Variants in CHST15 observed in about 807,000 individuals in gnomAD.
CHST15 encodes carbohydrate sulfotransferase 15.
CHST15 carries 30 observed loss-of-function variants against 53.6 expected under a neutral mutation model. The ratio of observed to expected loss-of-function variants is 0.56; its 90% CI spans 0.42 to 0.76. The LOEUF (loss-of-function observed/expected upper bound fraction) is 0.76, where lower values mean the gene tolerates loss of function less well. CHST15 is among the 30% of genes least tolerant of loss of function. The pLI is 0.00. For synonymous variants in CHST15, 296 were observed against 289.8 expected (o/e 1.02, Z -0.22); for missense variants, 627 against 740.5 (o/e 0.85, Z 1.78).
chr10:124,026,793 G>C (rs1947028790), intron 5 of CHST15, among the ~76,000 whole-genome samples: 1 of 152,186 alleles, frequency 6.6e-6, no homozygotes, highest in Non-Finnish European at 1.5e-5. Context: ...AACTCAGCAG[G>C]AAGGAGCCCA....
chr10:124,058,863 A>G (rs933057400), intron 1 of CHST15, among the ~76,000 whole-genome samples: 1 of 152,208 alleles, frequency 6.6e-6, no homozygotes, highest in African/African-American at 2.4e-5. Context: ...ACATGTGTTG[A>G]GGGCTTCCTT....
rs567061670 is a variant in CHST15 at position 124,008,361 on chromosome 10, G to A, written c.*1788C>T. The A allele has an allele frequency of 2.5e-4, 260 of 1,027,324 alleles. 1 individual carries two copies. The highest frequency in any genetic ancestry group is 1.7e-3 in the African/African-American group (94 of 55,890). 63.6% of individuals were successfully genotyped at this position (1,027,324 alleles called of 1,614,324 possible). The stretch of plus-strand genomic sequence containing the variant: ...CGTGCGCGTACACACACACACACGC[G>A]CGCACTGTACTGCAAATAAATATAC... On this transcript the variant is annotated 3_prime_UTR_variant, in exon 8 of 8. Coordinates refer to ENST00000435907, the MANE Select transcript of CHST15 (RefSeq NM_001270764.2).
In CHST15 at chr10:124,009,487, C is replaced by G; in HGVS notation, c.*662G>C. ...ATTTTTTTCCTTTTGGAAACAGTGA[C>G]GTTAACAGGGTTTACATCTGAAGAA... On this transcript the variant is annotated 3_prime_UTR_variant, in exon 8 of 8. Transcript: ENST00000435907. 1 of 988,640 alleles carries G rather than the reference C, an allele frequency of 1.0e-6. No individual in the cohort carries two copies. The highest frequency in any genetic ancestry group is 4.6e-5 in the South Asian group (1 of 21,610). The allele number at this position is 988,640 out of a possible 1,614,324, so 61.2% of individuals were successfully genotyped here. A position where few individuals can be genotyped will look rare whatever the true frequency, so the allele number is the denominator to read the frequency against.
At chr10:124,026,842 T>G (rs761713621) in intron 5 of CHST15, among the ~76,000 whole-genome samples, 2 of 151,922 alleles carry the variant, frequency 1.3e-5, no homozygotes, top group Non-Finnish European at 2.9e-5. Context: ...GGGCAGAAGG[T>G]TCGGGAAGAA....
rs571137966 is a variant in CHST15, at chr10:124,062,526, G to T, written c.-512-15802C>A. Among the ~76,000 whole-genome samples the T allele has an allele frequency of 2.0e-5, 3 of 152,236 alleles. No individual in the cohort carries two copies. The East Asian group carries it at 5.8e-4, about 29-fold the overall frequency. On this transcript the variant is annotated intron_variant, in intron 1 of 7. Transcript: ENST00000435907. ...AGATTAACGGCAGTACCGACCCCATGGACAGGCGTGGAGATTAGACGGGAA... is the reference window on the plus strand; with the variant it reads ...AGATTAACGGCAGTACCGACCCCATTGACAGGCGTGGAGATTAGACGGGAA...
At position 124,007,736 on chromosome 10, in the gene CHST15, ATAT is replaced by A. The variant is rs1946308946; in HGVS notation, c.*2410_*2412del. ...ATGGGTCCATCTTTAATTATGTTAA[ATAT>A]TAATAAAAGTACAGCGTAACTGCGA... On this transcript the variant is annotated 3_prime_UTR_variant, in exon 8 of 8. Transcript: ENST00000435907. 1.6e-6 allele frequency: 2 copies of A among 1,229,584 alleles called. No individual in the cohort carries two copies. Among genetic ancestry groups the A allele is most frequent in the Non-Finnish European group, 2.0e-6 (2 of 987,100 alleles). The allele number at this position is 1,229,584 out of a possible 1,614,324, so 76.2% of individuals were successfully genotyped here.
In CHST15 at chr10:124,019,863, T is replaced by A. The variant is rs1946711562; in HGVS notation, c.1347+1393A>T. On this transcript the variant is annotated intron_variant, in intron 6 of 7. Coordinates refer to ENST00000435907, the MANE Select transcript of CHST15 (RefSeq NM_001270764.2). The surrounding 1 kb of genome is among the most constrained non-coding windows in gnomAD (Gnocchi z 4.6). Reference sequence around the variant, plus strand: ...AAGCCCCCTGCCTCAGTGCCCCCCATCTCCCACACCAGGCGGCTGGCTGCG... The same window carrying A: ...AAGCCCCCTGCCTCAGTGCCCCCCAACTCCCACACCAGGCGGCTGGCTGCG... 1 of 985,858 alleles carries A rather than the reference T, an allele frequency of 1.0e-6. No individual in the cohort carries two copies. Among genetic ancestry groups the A allele is most frequent in the Non-Finnish European group, 1.2e-6 (1 of 830,312 alleles). The allele number at this position is 985,858 out of a possible 1,614,324, so 61.1% of individuals were successfully genotyped here.
intron 1 of CHST15, among the ~76,000 whole-genome samples, chr10:124,057,063 A>C (rs1948409665): frequency 6.6e-6 from 1 of 152,242 alleles, no homozygotes; most frequent in African/African-American, 2.4e-5. Flanking sequence ...GCAGCAAAGG[A>C]GGGACCTTCC....
intron 1 of CHST15, among the ~76,000 whole-genome samples, chr10:124,077,493 C>G (rs567389488): frequency 1.3e-5 from 2 of 152,064 alleles, no homozygotes. Flanking sequence ...ATTTACGAGC[C>G]GAGGCTTACA....
chr10:124,080,172 G>A (rs1949191509), intron 1 of CHST15, among the ~76,000 whole-genome samples: 1 of 152,206 alleles, frequency 6.6e-6, no homozygotes, highest in Admixed American at 6.5e-5. Context: ...ACGGGGAGAA[G>A]GCAGAGCTGC....
At chr10:124,027,106 G>A (rs537471327) in intron 5 of CHST15, among the ~76,000 whole-genome samples, 3 of 152,280 alleles carry the variant, frequency 2.0e-5, no homozygotes, top group South Asian at 2.1e-4. Flanking sequence ...TGTTTCCAAC[G>A]ACAATTCCAA....
At chr10:124,086,872 G>A (rs1381379664) in intron 1 of CHST15, among the ~76,000 whole-genome samples, 1 of 152,124 alleles carries the variant, frequency 6.6e-6, no homozygotes, top group Non-Finnish European at 1.5e-5. Context: ...CACAGTAATG[G>A]GACGAAGCAG....
chr10:124,014,772 T>C (rs1006451081), intron 6 of CHST15, among the ~76,000 whole-genome samples: 1 of 151,868 alleles, frequency 6.6e-6, no homozygotes. Flanking sequence ...CAGGCTGGGG[T>C]GTTTTAGAGC....
chr10:124,068,815 A>G (rs112199741), intron 1 of CHST15, among the ~76,000 whole-genome samples: 151 of 152,372 alleles, frequency 9.9e-4, no homozygotes, highest in Non-Finnish European at 1.7e-3. Flanking sequence ...TTTTTAAAGT[A>G]AGACCTTATC....
chr10:124,042,311 T>C lies in CHST15; in HGVS notation c.1023A>G (p.Thr341=). The change falls in exon 4 of 8, where the codon ACA becomes ACG. Residue 341 remains threonine (T), a synonymous_variant. Coordinates refer to ENST00000435907, the MANE Select transcript of CHST15 (RefSeq NM_001270764.2). ...SSAKEQSKMN[T]IIIGEASAST... ...ACACAGACGCCTTACCGATAATGAT[T>C]GTATTCATCTTGCTCTGCTCCTTTG... 1 of 1,611,644 alleles carries C rather than the reference T, an allele frequency of 6.2e-7. No homozygotes were observed. The highest frequency in any genetic ancestry group is 8.5e-7 in the Non-Finnish European group (1 of 1,177,912).
chr10:124,027,510 T>G (rs1947058197), intron 5 of CHST15, among the ~76,000 whole-genome samples: 1 of 152,212 alleles, frequency 6.6e-6, no homozygotes, highest in African/African-American at 2.4e-5. Flanking sequence ...GAGCAGAGGT[T>G]GGTGAGTTGA....
At chr10:124,038,383 G>A in intron 5 of CHST15, 132 bp downstream of exon 5, 1 of 997,970 alleles carries the variant, frequency 1.0e-6, no homozygotes, top group Non-Finnish European at 1.5e-6. Context: ...TGGGATTACA[G>A]GCATGAGCCA....
chr10:124,088,789 T>C (rs1374754046), intron 1 of CHST15, among the ~76,000 whole-genome samples: 1 of 152,154 alleles, frequency 6.6e-6, no homozygotes, highest in African/African-American at 2.4e-5. Context: ...CCAACTCCCA[T>C]AGTTACAATT....
intron 1 of CHST15, among the ~76,000 whole-genome samples, chr10:124,087,857 C>A (rs1283522684): frequency 6.6e-6 from 1 of 152,204 alleles, no homozygotes; most frequent in African/African-American, 2.4e-5. Context: ...ATGGGCACAG[C>A]GGAGCTGCTC....
Sources: allele counts gnomAD v4.1 joint callset (sites outside exome capture counted in the v4.1 genomes callset), GRCh38; gene constraint gnomAD v4.1.1; non-coding constraint Gnocchi (gnomAD v3.1); transcripts MANE v1.5; gene names NCBI Gene and HGNC (gene_info 2026-07-23, HGNC 2026-07-21).